The following RERE variants were observed in gnomAD, a reference collection of about 807,000 sequenced individuals.
The protein encoded by RERE is arginine-glutamic acid dipeptide repeats.
In RERE, 40 loss-of-function variants were observed where a neutral mutation model predicts 146.1. The observed-to-expected ratio is 0.27, with a 90% CI of 0.21 to 0.36. RERE has a LOEUF of 0.36. Among genes scored for constraint, RERE ranks in the 10% least tolerant of loss-of-function variants. RERE has a pLI of 1.00. For missense variants in RERE, 1,933 were observed against 2,138.7 expected, an observed-to-expected ratio of 0.90 and a Z score of 1.90; for synonymous variants, 1,003 against 866.0, an observed-to-expected ratio of 1.16 and a Z score of -2.78.
intron 11 of RERE, among the ~76,000 whole-genome samples, chr1:8,444,945 T>C (rs1239889607): frequency 6.6e-6 from 1 of 151,020 alleles, no homozygotes; most frequent in African/African-American, 2.4e-5. Context: ...AGATAATGGG[T>C]ATAAATCACT....
At chr1:8,557,291 G>C in intron 5 of RERE, 127 bp downstream of exon 5, 1 of 644,348 alleles carries the variant, frequency 1.6e-6, no homozygotes, top group Admixed American at 2.3e-5. Context: ...GAATCATCAA[G>C]CATAAGGCCT....
chr1:8,607,291 T>C (rs1646727005), intron 4 of RERE, among the ~76,000 whole-genome samples: 1 of 151,110 alleles, frequency 6.6e-6, no homozygotes, highest in Admixed American at 6.6e-5. Context: ...GACTGGGAGG[T>C]TGAGGCTGCA....
chr1:8,481,178 G>A lies in RERE; in HGVS notation c.1104+13885C>T, dbSNP rs974647787. 5.3e-5 allele frequency among the ~76,000 whole-genome samples: 8 copies of A among 152,052 alleles called. No individual in the cohort carries two copies. In the East Asian group the frequency reaches 1.2e-3, roughly 22 times the overall value. On this transcript the variant is annotated intron_variant, in intron 10 of 22. Transcript: ENST00000400908. Reference sequence around the variant, plus strand: ...TGTCACCAGGCTGGAGTGCAGTGGCGCGATCTCGGCTCACTGCAGCCTCCA... The same window carrying A: ...TGTCACCAGGCTGGAGTGCAGTGGCACGATCTCGGCTCACTGCAGCCTCCA...
chr1:8,501,954 G>A (rs1350302659), intron 8 of RERE, among the ~76,000 whole-genome samples: 2 of 92,214 alleles, frequency 2.2e-5, no homozygotes, highest in African/African-American at 8.5e-5. Flanking sequence ...TCAGCCCCCC[G>A]CCCGGCCAGC....
intron 2 of RERE, among the ~76,000 whole-genome samples, chr1:8,631,335 G>T (rs1409315616): frequency 6.6e-6 from 1 of 152,170 alleles, no homozygotes. Flanking sequence ...GGAGTTTGAG[G>T]TTACAATGAG....
At chr1:8,441,988 T>C (rs1644255969) in intron 11 of RERE, among the ~76,000 whole-genome samples, 1 of 148,984 alleles carries the variant, frequency 6.7e-6, no homozygotes, top group South Asian at 2.1e-4. Context: ...CACTGGACTT[T>C]CAAACATAAA....
At chr1:8,491,692 G>A (rs1001650923) in intron 10 of RERE, among the ~76,000 whole-genome samples, 4 of 152,100 alleles carry the variant, frequency 2.6e-5, no homozygotes, top group Non-Finnish European at 4.4e-5. Flanking sequence ...AAAATGAAAC[G>A]ATTTATTTAA....
chr1:8,704,543 C>A (rs540422944), intron 1 of RERE, among the ~76,000 whole-genome samples: 3 of 152,202 alleles, frequency 2.0e-5, no homozygotes, highest in Non-Finnish European at 4.4e-5. Flanking sequence ...CAGGTACTCT[C>A]TTTCCAATAA....
chr1:8,696,648 G>A (rs539998669), intron 1 of RERE, among the ~76,000 whole-genome samples: 10 of 152,136 alleles, frequency 6.6e-5, no homozygotes, highest in South Asian at 2.1e-4. Flanking sequence ...GGTGGTTCAC[G>A]CCTGTAATCC....
intron 7 of RERE, among the ~76,000 whole-genome samples, chr1:8,539,015 T>C (rs1164870997): frequency 2.6e-5 from 4 of 152,216 alleles, no homozygotes; most frequent in African/African-American, 9.6e-5. Context: ...CAGCAAAACA[T>C]GTATAACTAA....
At chr1:8,678,932 T>C (rs1331000642) in intron 1 of RERE, among the ~76,000 whole-genome samples, 1 of 152,202 alleles carries the variant, frequency 6.6e-6, no homozygotes, top group Non-Finnish European at 1.5e-5. Flanking sequence ...TCCAGTATAG[T>C]AGTCACTATC....
chr1:8,768,016 T>C (rs1363348048), intron 1 of RERE, among the ~76,000 whole-genome samples: 2 of 151,964 alleles, frequency 1.3e-5, no homozygotes, highest in Non-Finnish European at 2.9e-5. Context: ...ATAAAAGTGA[T>C]GGAGAAAAGA....
chr1:8,406,403 T>G (rs1216804477), intron 12 of RERE, among the ~76,000 whole-genome samples: 1 of 152,122 alleles, frequency 6.6e-6, no homozygotes, highest in Non-Finnish European at 1.5e-5. Flanking sequence ...AAAGCAGTAA[T>G]GCAACTTTTT....
At chr1:8,740,318 G>A (rs1461125133) in intron 1 of RERE, among the ~76,000 whole-genome samples, 2 of 152,188 alleles carry the variant, frequency 1.3e-5, no homozygotes, top group African/African-American at 2.4e-5. Context: ...TGGTACATCT[G>A]TCTAGGGCAC....
intron 1 of RERE, among the ~76,000 whole-genome samples, chr1:8,726,936 G>A (rs1250631030): frequency 6.6e-6 from 1 of 151,870 alleles, no homozygotes; most frequent in Admixed American, 6.6e-5. Context: ...CTCCAGAGTA[G>A]CTGGGATCAC....
chr1:8,571,081 C>T (rs527773957), intron 4 of RERE, among the ~76,000 whole-genome samples: 1 of 152,256 alleles, frequency 6.6e-6, no homozygotes, highest in South Asian at 2.1e-4. Context: ...TACTTTAAAA[C>T]AACGGTGAAC....
At chr1:8,564,307 T>G (rs1646113322) in intron 4 of RERE, among the ~76,000 whole-genome samples, 1 of 152,226 alleles carries the variant, frequency 6.6e-6, no homozygotes, top group Non-Finnish European at 1.5e-5. Context: ...AATCTTTGGG[T>G]ATACATAATG....
intron 1 of RERE, among the ~76,000 whole-genome samples, chr1:8,686,308 T>C (rs1450274015): frequency 1.3e-5 from 2 of 152,164 alleles, no homozygotes; most frequent in African/African-American, 2.4e-5. Context: ...TTTAAAGCCA[T>C]GCATCCTAGG....
intron 12 of RERE, among the ~76,000 whole-genome samples, chr1:8,370,853 T>C (rs1642010373): frequency 1.3e-5 from 2 of 152,214 alleles, no homozygotes; most frequent in Non-Finnish European, 2.9e-5. Context: ...TACTGAAACA[T>C]TAACACAGGC....
Sources: gnomAD v4.1 joint callset for allele counts (sites outside exome capture counted in the v4.1 genomes callset) on GRCh38, gnomAD v4.1.1 for gene constraint, MANE v1.5 for transcripts, NCBI Gene and HGNC (gene_info 2026-07-23, HGNC 2026-07-21) for gene names.